Variants in RBM12 observed in about 807,000 individuals in gnomAD.
The protein encoded by RBM12 is RNA binding motif protein 12.
In RBM12, 24 loss-of-function variants were observed where a neutral mutation model predicts 37.2. The ratio of observed to expected loss-of-function variants is 0.65; its 90% confidence interval spans 0.47 to 0.91. The LOEUF (loss-of-function observed/expected upper bound fraction) is 0.91, where lower values mean the gene tolerates loss of function less well. RBM12 is among the 40% of genes least tolerant of loss of function. The pLI, the probability that RBM12 is intolerant of heterozygous loss-of-function variation, is 0.00. For synonymous variants in RBM12, 420 were observed against 425.2 expected (o/e 0.99, Z 0.15); for missense variants, 1,061 against 1,183.2 (o/e 0.90, Z 1.52).
At position 35,653,108 on chromosome 20, in the gene RBM12, G is replaced by C. The variant is rs761609999; in HGVS notation, c.2215C>G (p.Pro739Ala). Reference protein sequence around the residue: ...GSNAFGPPIPPPGLGGGAFGD... With the variant: ...GSNAFGPPIPAPGLGGGAFGD... ...AAGGCCCCGCCTCCTAATCCTGGAG[G>C]AGGGATTGGTGGCCCAAAGGCATTT... The change falls in exon 3 of 3, where the codon CCT becomes GCT. Residue 739 changes from proline to alanine, a missense_variant. By Grantham distance (27) the Pro-to-Ala change is conservative. Transcript: ENST00000374114. The C allele has an allele frequency of 6.2e-7, 1 of 1,613,706 alleles. No individual in the cohort carries two copies. The highest frequency in any genetic ancestry group is 8.5e-7 in the Non-Finnish European group (1 of 1,180,032).
intron 2 of RBM12, 106 bp downstream of exon 2, chr20:35,658,824 C>T: frequency 1.6e-6 from 1 of 627,290 alleles, no homozygotes; most frequent in Non-Finnish European, 2.9e-6. Flanking sequence ...CACACACACA[C>T]ACACACACAC....
rs567263111 is a variant in RBM12, at chr20:35,655,737, GAAGT to G, written c.-22-397_-22-394del. Among the ~76,000 whole-genome samples, 527 of 152,164 alleles carry G rather than the reference GAAGT, an allele frequency of 3.5e-3. 2 individuals carry two copies. The highest frequency in any genetic ancestry group is 3.1e-3 in the Non-Finnish European group (214 of 67,978). On this transcript the variant is annotated intron_variant, in intron 2 of 2. Coordinates refer to ENST00000374114, the MANE Select transcript of RBM12 (RefSeq NM_006047.6). ...GGAAAAAACATGCAAAGAATATATA[GAAGT>G]TAGTATTTAAAACTGGCTTAGCATC... is the stretch of plus-strand genomic sequence containing the variant.
intron 1 of RBM12, among the ~76,000 whole-genome samples, chr20:35,663,473 C>T (rs1053502657): frequency 6.6e-6 from 1 of 152,154 alleles, no homozygotes; most frequent in African/African-American, 2.4e-5. Flanking sequence ...CTTCAACAAA[C>T]CTTCAGTTGC....
In RBM12 at chr20:35,652,575, G is replaced by A; in HGVS notation, c.2748C>T (p.Asp916=). The A allele has an allele frequency of 3.7e-6, 6 of 1,614,152 alleles. No individual in the cohort carries two copies. The highest frequency in any genetic ancestry group is 1.1e-5 in the South Asian group (1 of 91,082). Residue 916 remains aspartate (D), a synonymous_variant, in exon 3 of 3, where the codon GAC becomes GAT. Transcript: ENST00000374114. ...TTGAACCTATAGGCCTGTCATTTAA[G>A]TCAATGACAGCAGCTGTGGCTTCAT... is the stretch of plus-strand genomic sequence containing the variant. ...SRDEATAAVI[D]LNDRPIGSRK... is the part of the protein sequence containing the mutation.
intron 2 of RBM12, among the ~76,000 whole-genome samples, chr20:35,658,078 AT>A (rs1261093431): frequency 1.3e-5 from 2 of 150,466 alleles, no homozygotes; most frequent in African/African-American, 4.9e-5. Context: ...ACAAATAAAA[AT>A]TTAAAAAAAA....
At position 35,649,387 on chromosome 20, in the gene RBM12, A is replaced by G. The variant is rs1426096390; in HGVS notation, c.*3137T>C. On this transcript the variant is annotated 3_prime_UTR_variant, in exon 3 of 3. Coordinates refer to ENST00000374114, the MANE Select transcript of RBM12 (RefSeq NM_006047.6). ...CAAGGCTGACTATTTCCACCTAAAA[A>G]TGTAATGTTTGCTTACTTCCATACA... 1 of 152,238 alleles carries G rather than the reference A, an allele frequency of 6.6e-6. No homozygotes were observed. Among genetic ancestry groups the G allele is most frequent in the Admixed American group, 6.5e-5 (1 of 15,280 alleles). 9.4% of individuals were successfully genotyped at this position (152,238 alleles called of 1,614,324 possible). A position where few individuals can be genotyped will look rare whatever the true frequency, so the allele number is the denominator to read the frequency against.
rs889067252 is a variant in RBM12, at chr20:35,663,476, T to A, written c.-108+1284A>T. Reference sequence around the variant, plus strand: ...CCTAGCCTCTCCCTTCAACAAACCTTCAGTTGCCATCACACTTTTTTCCAG... The same window carrying A: ...CCTAGCCTCTCCCTTCAACAAACCTACAGTTGCCATCACACTTTTTTCCAG... On this transcript the variant is annotated intron_variant, in intron 1 of 2. Transcript: ENST00000374114. 2.6e-5 allele frequency among the ~76,000 whole-genome samples: 4 copies of A among 152,290 alleles called. No homozygotes were observed. In the East Asian group the frequency reaches 7.7e-4, roughly 29 times the overall value.
Position 35,655,095 on chromosome 20 carries a change from C to T in RBM12, c.228G>A (p.Lys76=), listed in dbSNP as rs6121015. ...GTTCAATCATATTCTGCATTTCCGT[C>T]TTACTACTCAACAATAGTGTTACTT... The part of the protein sequence containing the change: ...GSKVTLLLSS[K]TEMQNMIELS... Residue 76 remains lysine (K), a synonymous_variant, in exon 3 of 3, where the codon AAG becomes AAA. Coordinates refer to ENST00000374114, the MANE Select transcript of RBM12 (RefSeq NM_006047.6). The T allele has an allele frequency of 0.2, 322,580 of 1,613,868 alleles. 35,967 individuals carry two copies. The highest frequency in any genetic ancestry group is 0.41 in the African/African-American group (30,768 of 74,900).
chr20:35,650,997 A>T lies in RBM12; in HGVS notation c.*1527T>A, dbSNP rs531793052. On this transcript the variant is annotated 3_prime_UTR_variant, in exon 3 of 3. Transcript: ENST00000374114. ...ATCTCTCATCTATCTCTCCTTCTGT[A>T]TTGTTTATAATGTGACACATTTTCA... 2.0e-5 allele frequency: 3 copies of T among 152,530 alleles called. 1 individual carries two copies. The highest frequency in any genetic ancestry group is 4.4e-5 in the Non-Finnish European group (3 of 68,012). 9.4% of individuals were successfully genotyped at this position (152,530 alleles called of 1,614,324 possible).
In RBM12 at chr20:35,651,042, T is replaced by C. The variant is rs147032365; in HGVS notation, c.*1482A>G. 102 of 152,432 alleles carry C rather than the reference T, an allele frequency of 6.7e-4. No homozygotes were observed. Among genetic ancestry groups the C allele is most frequent in the African/African-American group, 2.3e-3 (96 of 41,572 alleles). The allele number at this position is 152,432 out of a possible 1,614,324, so 9.4% of individuals were successfully genotyped here. ...TTTTCAGAGCATTGACTAGGGAAAG[T>C]AACCATAACTAGAGCCCTGTAAGGC... On this transcript the variant is annotated 3_prime_UTR_variant, in exon 3 of 3. Coordinates refer to ENST00000374114, the MANE Select transcript of RBM12 (RefSeq NM_006047.6).
chr20:35,654,586 G>A lies in RBM12; in HGVS notation c.737C>T (p.Pro246Leu). The A allele has an allele frequency of 6.2e-7, 1 of 1,614,210 alleles. No individual in the cohort carries two copies. Among genetic ancestry groups the A allele is most frequent in the Non-Finnish European group, 8.5e-7 (1 of 1,180,038 alleles). Residue 246 changes from proline (P) to leucine (L), a missense_variant, in exon 3 of 3, where the codon CCC (proline) becomes CTC (leucine). Pro to Leu is a moderately conservative substitution (Grantham distance 98). Around this residue, in one of 3 missense-constraint regions of RBM12, gnomAD observed 540 missense variants for 632.7 expected, o/e 0.85. Coordinates refer to ENST00000374114, the MANE Select transcript of RBM12 (RefSeq NM_006047.6). ...AGGTGCCACAGGTGGCGGATTCAAG[G>A]GCGGCATGCCCGACATGGGTGGCAG... ...TPLPPMSGMPPLNPPPVAPLP... is the reference protein window; with the variant it reads ...TPLPPMSGMPLLNPPPVAPLP...
chr20:35,655,362 C>T lies in RBM12; in HGVS notation c.-22-18G>A, dbSNP rs1366978449. Reference sequence around the variant, plus strand: ...ACACACACCTGCAGATGAGAAAAGGCAACGGCCAGGTCAGACTCCTGTTTA... The same window carrying T: ...ACACACACCTGCAGATGAGAAAAGGTAACGGCCAGGTCAGACTCCTGTTTA... On this transcript the variant is annotated intron_variant, in intron 2 of 2. Coordinates refer to ENST00000374114, the MANE Select transcript of RBM12 (RefSeq NM_006047.6). 1 of 1,566,854 alleles carries T rather than the reference C, an allele frequency of 6.4e-7. No individual in the cohort carries two copies. Among genetic ancestry groups the T allele is most frequent in the African/African-American group, 1.4e-5 (1 of 73,786 alleles).
At chr20:35,655,705 T>C (rs2033855435) in intron 2 of RBM12, among the ~76,000 whole-genome samples, 1 of 152,116 alleles carries the variant, frequency 6.6e-6, no homozygotes, top group Admixed American at 6.5e-5. Context: ...AGTTTAACAA[T>C]CTATAGGGAA....
rs1250216283 is a variant in RBM12, at chr20:35,655,064, G to T, written c.259C>A (p.Arg87Ser). The change falls in exon 3 of 3, where the codon CGT becomes AGT. Residue 87 changes from arginine to serine, a missense_variant. Arg to Ser is a moderately radical substitution (Grantham distance 110). Transcript: ENST00000374114. ...AAGTTGGCAGTTTCAAAACGCCTAC[G>T]ACTCAGTTCAATCATATTCTGCATT... ...TEMQNMIELS[R>S]RRFETANLDI... The T allele has an allele frequency of 1.2e-6, 2 of 1,614,050 alleles. No homozygotes were observed. The highest frequency in any genetic ancestry group is 1.1e-5 in the South Asian group (1 of 91,044).
In RBM12 at chr20:35,654,662, G is replaced by A. The variant is rs553577652; in HGVS notation, c.661C>T (p.Pro221Ser). 1 of 1,613,542 alleles carries A rather than the reference G, an allele frequency of 6.2e-7. No individual in the cohort carries two copies. Among genetic ancestry groups the A allele is most frequent in the Admixed American group, 1.7e-5 (1 of 60,024 alleles). ...PPPVPTLPPV[P>S]PVPPIPPVPS... ...ACTGGGGGAATCGGGGGCACAGGAGGCACAGGAGGCAATGTAGGTACTGGA... is the reference window on the plus strand; with the variant it reads ...ACTGGGGGAATCGGGGGCACAGGAGACACAGGAGGCAATGTAGGTACTGGA... Residue 221 changes from proline (P) to serine (S), a missense_variant, in exon 3 of 3, where the codon CCT (proline) becomes TCT (serine). By Grantham distance (74) the Pro-to-Ser change is moderately conservative. Around this residue, in one of 3 missense-constraint regions of RBM12, gnomAD observed 540 missense variants for 632.7 expected, o/e 0.85. Coordinates refer to ENST00000374114, the MANE Select transcript of RBM12 (RefSeq NM_006047.6).
Position 35,659,137 on chromosome 20 carries a change from TCA to T in RBM12, c.-107-125_-107-124del, listed in dbSNP as rs2146370608. ...CCAGAGTACTTCATTAGAATGCATA[TCA>T]AAAAAAAAAAAAAAAAGAAAGACAC... On this transcript the variant is annotated intron_variant, in intron 1 of 2. Transcript: ENST00000374114. The T allele has an allele frequency of 3.1e-5, 8 of 256,596 alleles. No homozygotes were observed. In the South Asian group the frequency reaches 6.8e-4, roughly 22 times the overall value. The allele number at this position is 256,596 out of a possible 1,614,324, so 15.9% of individuals were successfully genotyped here. A position where few individuals can be genotyped will look rare whatever the true frequency, so the allele number is the denominator to read the frequency against.
In RBM12 at chr20:35,649,828, CAG is replaced by C. The variant is rs758801264; in HGVS notation, c.*2694_*2695del. The C allele has an allele frequency of 1.3e-5, 2 of 151,714 alleles. No homozygotes were observed. Among genetic ancestry groups the C allele is most frequent in the African/African-American group, 4.8e-5 (2 of 41,304 alleles). The allele number at this position is 151,714 out of a possible 1,614,324, so 9.4% of individuals were successfully genotyped here. On this transcript the variant is annotated 3_prime_UTR_variant, in exon 3 of 3. Transcript: ENST00000374114. ...GGAAAATATTCTCTTCCATTAATGTCAGAGTCACCAAAAACAGACAATAAAAT... is the reference window on the plus strand; with the variant it reads ...GGAAAATATTCTCTTCCATTAATGTCAGTCACCAAAAACAGACAATAAAAT...
intron 1 of RBM12, among the ~76,000 whole-genome samples, chr20:35,664,153 C>A (rs896467590): frequency 6.6e-6 from 1 of 152,082 alleles, no homozygotes; most frequent in Admixed American, 6.5e-5. Flanking sequence ...CAGCAATGGA[C>A]CTCGGAGGCA....
chr20:35,662,499 A>T (rs1163765745), intron 1 of RBM12, among the ~76,000 whole-genome samples: 2 of 152,250 alleles, frequency 1.3e-5, no homozygotes, highest in Non-Finnish European at 2.9e-5. Flanking sequence ...TTTACTATTA[A>T]GCACTTGTGG....
Sources: gnomAD v4.1 joint callset for allele counts (sites outside exome capture counted in the v4.1 genomes callset) on GRCh38, gnomAD v4.1.1 for gene constraint, gnomAD v4.1.1 regional missense constraint, MANE v1.5 for transcripts, NCBI Gene and HGNC (gene_info 2026-07-23, HGNC 2026-07-21) for gene names.